The following LRP1B variants were observed in gnomAD, a reference collection of about 807,000 sequenced individuals.
LRP1B encodes LDL receptor related protein 1B.
In LRP1B, 217 loss-of-function variants were observed where a neutral mutation model predicts 556.6. The observed-to-expected ratio is 0.39, with a 90% CI of 0.35 to 0.44. The LOEUF is 0.44. Among genes scored for constraint, LRP1B ranks in the 20% least tolerant of loss-of-function variants. The probability of loss-of-function intolerance (pLI) is 1.00; values close to 1 mark genes in which losing one functional copy is unlikely to be tolerated. For synonymous variants in LRP1B, 2,047 were observed against 1,865.8 expected, an observed-to-expected ratio of 1.10 and a Z score of -2.50; for missense variants, 5,053 against 5,620.8, an observed-to-expected ratio of 0.90 and a Z score of 3.23.
intron 43 of LRP1B, among the ~76,000 whole-genome samples, chr2:140,551,074 C>T (rs1680531688): frequency 6.6e-6 from 1 of 152,138 alleles, no homozygotes; most frequent in Non-Finnish European, 1.5e-5. Context: ...CCTCATCATG[C>T]TGACACCTTG....
chr2:140,799,448 G>A (rs993898969), intron 32 of LRP1B, among the ~76,000 whole-genome samples: 55 of 152,202 alleles, frequency 3.6e-4, no homozygotes, highest in African/African-American at 1.3e-3. Context: ...AGCCTCCAGA[G>A]CTCGAAAAAA....
chr2:141,110,976 A>G (rs1343694360), intron 7 of LRP1B, among the ~76,000 whole-genome samples: 3 of 152,314 alleles, frequency 2.0e-5, no homozygotes, highest in African/African-American at 4.8e-5. Context: ...CCACCTGGGG[A>G]AAATAGCCTC....
At chr2:141,421,372 CA>C (rs971590438) in intron 3 of LRP1B, among the ~76,000 whole-genome samples, 11 of 151,472 alleles carry the variant, frequency 7.3e-5, no homozygotes, top group South Asian at 2.1e-4. Context: ...ACTAAAAATA[CA>C]AAAAAATTAG....
At chr2:140,586,048 T>C (rs1479788799) in intron 43 of LRP1B, among the ~76,000 whole-genome samples, 2 of 152,232 alleles carry the variant, frequency 1.3e-5, no homozygotes, top group African/African-American at 4.8e-5. Context: ...GTTTCCCTTT[T>C]TTTCTATTCT....
chr2:140,817,770 T>C (rs1272293622), intron 31 of LRP1B, among the ~76,000 whole-genome samples: 1 of 152,048 alleles, frequency 6.6e-6, no homozygotes, highest in African/African-American at 2.4e-5. Flanking sequence ...CTATGCAGTA[T>C]GGAGTTAAAA....
chr2:140,322,186 T>C, intron 81 of LRP1B, 98 bp from the exon 82 acceptor site: 1 of 1,170,770 alleles, frequency 8.5e-7, no homozygotes, highest in Non-Finnish European at 1.2e-6. Flanking sequence ...ATTAGCAATG[T>C]TGAAAAGTAA....
chr2:141,852,834 A>G (rs1697911072), intron 1 of LRP1B, among the ~76,000 whole-genome samples: 2 of 151,606 alleles, frequency 1.3e-5, no homozygotes, highest in African/African-American at 4.8e-5. Context: ...CCAAAAGAAA[A>G]CCAGTACATA....
intron 32 of LRP1B, among the ~76,000 whole-genome samples, chr2:140,797,782 T>C (rs1340172999): frequency 6.6e-6 from 1 of 152,182 alleles, no homozygotes; most frequent in African/African-American, 2.4e-5. Context: ...ATAAGTTCTA[T>C]ACCTAAGGCA....
At chr2:140,447,811 G>A (rs544611450) in intron 63 of LRP1B, among the ~76,000 whole-genome samples, 21 of 151,916 alleles carry the variant, frequency 1.4e-4, no homozygotes, top group South Asian at 4.2e-4. Context: ...TCTTCCTTTC[G>A]CTGGAACACT....
intron 41 of LRP1B, among the ~76,000 whole-genome samples, chr2:140,606,069 C>T: frequency 6.6e-6 from 1 of 151,572 alleles, no homozygotes; most frequent in Non-Finnish European, 1.5e-5. Context: ...TAAATGGTAT[C>T]CAGATTGGAA....
intron 3 of LRP1B, among the ~76,000 whole-genome samples, chr2:141,345,229 C>T (rs1050860547): frequency 2.0e-5 from 3 of 151,204 alleles, no homozygotes; most frequent in African/African-American, 2.4e-5. Flanking sequence ...AGCAACACAC[C>T]AATACTGCCC....
At chr2:141,739,473 C>T (rs986243443) in intron 2 of LRP1B, among the ~76,000 whole-genome samples, 1 of 152,062 alleles carries the variant, frequency 6.6e-6, no homozygotes, top group East Asian at 1.9e-4. Flanking sequence ...AAGACAGTGT[C>T]GTGCAGGGAG....
chr2:141,587,950 T>A (rs527379749), intron 2 of LRP1B, among the ~76,000 whole-genome samples: 1 of 152,322 alleles, frequency 6.6e-6, no homozygotes, highest in African/African-American at 2.4e-5. Context: ...TCTCTACACT[T>A]AGTTGTTTAT....
chr2:141,810,151 A>AAG (rs1696305213), intron 2 of LRP1B, 128 bp downstream of exon 2: 1 of 477,566 alleles, frequency 2.1e-6, no homozygotes, highest in Admixed American at 5.1e-5. Context: ...GAAAGAAAGA[A>AAG]AGAAAGAAAG....
At chr2:141,137,306 C>A (rs976854023) in intron 7 of LRP1B, among the ~76,000 whole-genome samples, 2 of 151,874 alleles carry the variant, frequency 1.3e-5, no homozygotes. Context: ...GTTCTCAGAA[C>A]TGCTGCATAT....
intron 35 of LRP1B, among the ~76,000 whole-genome samples, chr2:140,724,783 C>G (rs1166758684): frequency 7.9e-6 from 1 of 126,688 alleles, no homozygotes; most frequent in East Asian, 2.4e-4. Flanking sequence ...TATACGGAAT[C>G]TTGACTTGTT....
intron 3 of LRP1B, among the ~76,000 whole-genome samples, chr2:141,337,334 A>G (rs1399188870): frequency 6.6e-6 from 1 of 152,104 alleles, no homozygotes; most frequent in Non-Finnish European, 1.5e-5. Context: ...TAGCATTCTA[A>G]TATTGTCTTT....
chr2:141,600,299 A>C (rs947483058), intron 2 of LRP1B, among the ~76,000 whole-genome samples: 2 of 152,182 alleles, frequency 1.3e-5, no homozygotes, highest in African/African-American at 4.8e-5. Flanking sequence ...CCTGTCTCTG[A>C]AGTGGGAACC....
At chr2:141,810,107 GAAAGAAA>G (rs1696294071) in intron 2 of LRP1B, among the ~76,000 whole-genome samples, 165 bp downstream of exon 2, 3 of 126,984 alleles carry the variant, frequency 2.4e-5, no homozygotes, top group African/African-American at 8.3e-5. Context: ...AAGAAAGAAA[GAAAGAAA>G]AAGAAAGAAA....
Sources: gnomAD v4.1 joint callset for allele counts (sites outside exome capture counted in the v4.1 genomes callset) on GRCh38, gnomAD v4.1.1 for gene constraint, MANE v1.5 for transcripts, NCBI Gene and HGNC (gene_info 2026-07-23, HGNC 2026-07-21) for gene names.